The following CALCOCO1 variants were observed in gnomAD, a reference collection of about 807,000 sequenced individuals.
CALCOCO1 encodes calcium binding and coiled-coil domain 1.
Under a neutral mutation model 86.3 loss-of-function variants are expected in CALCOCO1, and 44 were observed. That is an observed-to-expected ratio of 0.51 (90% CI 0.40 to 0.66). CALCOCO1 has a LOEUF of 0.66. Ranked by LOEUF, CALCOCO1 falls within the 30% of genes least tolerant of loss-of-function variation. CALCOCO1 has a pLI of 0.00. For missense variants in CALCOCO1, 708 were observed against 851.1 expected, an observed-to-expected ratio of 0.83 and a Z score of 2.09; for synonymous variants, 297 against 327.6, an observed-to-expected ratio of 0.91 and a Z score of 1.01.
rs987736689 is a variant in CALCOCO1, at chr12:53,722,009, C to G, written c.609+16G>C. ...TGAGCAGCCAGGCCCTGTCCCCTAC[C>G]TGGCCCAGCTCCCACCTTGTACTGT... On this transcript the variant is annotated intron_variant, in intron 5 of 14. Transcript: ENST00000550804. 4 of 1,611,808 alleles carry G rather than the reference C, an allele frequency of 2.5e-6. No individual in the cohort carries two copies. Among genetic ancestry groups the G allele is most frequent in the Non-Finnish European group, 3.4e-6 (4 of 1,180,008 alleles).
In CALCOCO1 at chr12:53,716,053, G is replaced by A. The variant is rs200892232; in HGVS notation, c.1006-6C>T. On this transcript the variant is annotated splice_polypyrimidine_tract_variant and splice_region_variant and intron_variant, in intron 8 of 14. Transcript: ENST00000550804. ...TTCAAGGGCTCCAGCTCGGCCTCAG[G>A]AGAAAGGAGGAGATGGAGATCAGAG... The A allele has an allele frequency of 2.5e-6, 4 of 1,610,664 alleles. No individual in the cohort carries two copies. The highest frequency in any genetic ancestry group is 3.4e-6 in the Non-Finnish European group (4 of 1,179,930).
At chr12:53,724,477 G>C in intron 3 of CALCOCO1, 168 bp downstream of exon 3, 1 of 620,344 alleles carries the variant, frequency 1.6e-6, no homozygotes, top group South Asian at 1.8e-5. Flanking sequence ...CGATAATCCC[G>C]TGATTCTCTA....
intron 4 of CALCOCO1, among the ~76,000 whole-genome samples, chr12:53,722,447 G>T (rs1945900873): frequency 6.6e-6 from 1 of 152,094 alleles, no homozygotes; most frequent in Non-Finnish European, 1.5e-5. Context: ...GCAATTGCAG[G>T]AATCCCTCAT....
At chr12:53,721,835 T>A in intron 5 of CALCOCO1, 190 bp downstream of exon 5, 1 of 805,022 alleles carries the variant, frequency 1.2e-6, no homozygotes. Flanking sequence ...CTGAGTCTCA[T>A]TACACGTTTG....
rs1434337884 is a variant in CALCOCO1 at position 53,711,493 on chromosome 12, C to A, written c.*451G>T. 5 of 349,308 alleles carry A rather than the reference C, an allele frequency of 1.4e-5. No homozygotes were observed. The highest frequency in any genetic ancestry group is 1.5e-4 in the South Asian group (1 of 6,550). 21.6% of individuals were successfully genotyped at this position (349,308 alleles called of 1,614,324 possible). On this transcript the variant is annotated 3_prime_UTR_variant, in exon 15 of 15. Transcript: ENST00000550804. ...GTCCATGCTGCTGCCTCTGTGCAGA[C>A]CCCAGAGAAAACTCAGGTAAACCAA...
intron 11 of CALCOCO1, 103 bp from the exon 12 acceptor site, chr12:53,714,344 T>C: frequency 2.3e-6 from 2 of 858,562 alleles, no homozygotes; most frequent in Non-Finnish European, 3.7e-6. Context: ...CTCCTCAGCA[T>C]TAGATGCCTT....
At chr12:53,724,552 G>A in intron 3 of CALCOCO1, 93 bp downstream of exon 3, 1 of 872,936 alleles carries the variant, frequency 1.1e-6, no homozygotes, top group Non-Finnish European at 1.9e-6. Context: ...CTTGTCCTTT[G>A]TGCCTAACTT....
At position 53,722,175 on chromosome 12, in the gene CALCOCO1, G is replaced by A. The variant is rs144391784; in HGVS notation, c.459C>T (p.Leu153=). The change falls in exon 5 of 15, where the codon CTC becomes CTT. Residue 153 remains leucine, a synonymous_variant. Transcript: ENST00000550804. ...CATTCCGTTCTTGCTGGCTCTCATC[G>A]AGCTGGTTCTACAGGCAGCAGAAGG... ...VPKATVLQNQ[L]DESQQERNDL... 611 of 1,613,058 alleles carry A rather than the reference G, an allele frequency of 3.8e-4. 1 individual carries two copies. The highest frequency in any genetic ancestry group is 1.2e-3 in the South Asian group (106 of 91,080).
At chr12:53,713,022 C>T in intron 14 of CALCOCO1, 78 bp downstream of exon 14, 1 of 1,383,616 alleles carries the variant, frequency 7.2e-7, no homozygotes, top group African/African-American at 1.4e-5. Context: ...GGGAGCAGGG[C>T]CTGGTGACTG....
rs1945547240 is a variant in CALCOCO1 at position 53,711,426 on chromosome 12, C to G, written c.*518G>C. 2.6e-6 allele frequency: 1 copy of G among 383,294 alleles called. No individual in the cohort carries two copies. Among genetic ancestry groups the G allele is most frequent in the Admixed American group, 4.5e-5 (1 of 22,198 alleles). 23.7% of individuals were successfully genotyped at this position (383,294 alleles called of 1,614,324 possible). A position where few individuals can be genotyped will look rare whatever the true frequency, so the allele number is the denominator to read the frequency against. On this transcript the variant is annotated 3_prime_UTR_variant, in exon 15 of 15. Transcript: ENST00000550804. ...GTCAATGGGGGAACAGAAAGAGGAACCAATGAAACTGAGAACCAAAAGGGA... is the reference window on the plus strand; with the variant it reads ...GTCAATGGGGGAACAGAAAGAGGAAGCAATGAAACTGAGAACCAAAAGGGA...
intron 10 of CALCOCO1, 70 bp from the exon 11 acceptor site, chr12:53,714,763 G>C: frequency 1.8e-6 from 2 of 1,122,014 alleles, no homozygotes; most frequent in Non-Finnish European, 2.7e-6. Flanking sequence ...TCTGGGACCA[G>C]GACCAACAAT....
chr12:53,712,293 T>C, intron 14 of CALCOCO1, 172 bp from the exon 15 acceptor site: 1 of 598,808 alleles, frequency 1.7e-6, no homozygotes, highest in Non-Finnish European at 2.9e-6. Flanking sequence ...GGAAGGCTTA[T>C]TTTTCCAGTT....
In CALCOCO1 at chr12:53,719,843, G is replaced by T; in HGVS notation, c.759-14C>A. 1 of 1,585,442 alleles carries T rather than the reference G, an allele frequency of 6.3e-7. No homozygotes were observed. Among genetic ancestry groups the T allele is most frequent in the Non-Finnish European group, 8.7e-7 (1 of 1,154,436 alleles). ...GTGTCTCTAAGCCTGTGATTGGTGG[G>T]ATGACATGTCAGACAATCTGCTCCA... On this transcript the variant is annotated splice_polypyrimidine_tract_variant and intron_variant, in intron 6 of 14. Transcript: ENST00000550804.
chr12:53,714,881 C>A (rs928783320), intron 10 of CALCOCO1, among the ~76,000 whole-genome samples, 188 bp from the exon 11 acceptor site: 1 of 152,156 alleles, frequency 6.6e-6, no homozygotes, highest in African/African-American at 2.4e-5. Flanking sequence ...CACAGATACT[C>A]AGTTTTCTAA....
chr12:53,712,777 G>A, intron 14 of CALCOCO1: 10 of 1,341,926 alleles, frequency 7.5e-6, no homozygotes, highest in Non-Finnish European at 9.8e-6. Flanking sequence ...GTACCTACCT[G>A]GTGGTTGGGG....
chr12:53,724,093 C>T (rs550504317), intron 3 of CALCOCO1: 8 of 407,674 alleles, frequency 2.0e-5, no homozygotes, highest in East Asian at 6.4e-5. Flanking sequence ...TGCAGTGGCG[C>T]GATCTTGGCT....
chr12:53,715,093 T>A (rs1471916531), intron 10 of CALCOCO1, 107 bp downstream of exon 10: 2 of 1,348,914 alleles, frequency 1.5e-6, no homozygotes, highest in Non-Finnish European at 2.0e-6. Flanking sequence ...CCACCCAACA[T>A]GGTAGTGGAC....
In CALCOCO1 at chr12:53,710,903, G is replaced by A. The variant is rs931005128; in HGVS notation, c.*1041C>T. ...TGAGTTTGCTCCCTCCCCAACTGCC[G>A]CATTATCCAAGCCAGACTCCCACTT... is the stretch of plus-strand genomic sequence containing the variant. On this transcript the variant is annotated 3_prime_UTR_variant, in exon 15 of 15. Transcript: ENST00000550804. 2.3e-5 allele frequency: 5 copies of A among 219,034 alleles called. No individual in the cohort carries two copies. The highest frequency in any genetic ancestry group is 4.6e-5 in the African/African-American group (2 of 43,372). The allele number at this position is 219,034 out of a possible 1,614,324, so 13.6% of individuals were successfully genotyped here.
chr12:53,721,730 AT>A lies in CALCOCO1; in HGVS notation c.610-116del, dbSNP rs1253115125. Reference sequence around the variant, plus strand: ...CTGACTGCTTCCACCTGGCTATCACATTGCCTTCCTTGAAAAAGAAACTGTA... The same window carrying A: ...CTGACTGCTTCCACCTGGCTATCACATGCCTTCCTTGAAAAAGAAACTGTA... On this transcript the variant is annotated intron_variant, in intron 5 of 14. Coordinates refer to ENST00000550804, the MANE Select transcript of CALCOCO1 (RefSeq NM_020898.3). 9.3e-6 allele frequency: 12 copies of A among 1,284,652 alleles called. 1 individual carries two copies. The highest frequency in any genetic ancestry group is 1.3e-5 in the Non-Finnish European group (12 of 905,326). 79.6% of individuals were successfully genotyped at this position (1,284,652 alleles called of 1,614,324 possible). A position where few individuals can be genotyped will look rare whatever the true frequency, so the allele number is the denominator to read the frequency against.
Sources: allele counts gnomAD v4.1 joint callset (sites outside exome capture counted in the v4.1 genomes callset), GRCh38; gene constraint gnomAD v4.1.1; transcripts MANE v1.5; gene names NCBI Gene and HGNC (gene_info 2026-07-23, HGNC 2026-07-21).